Variants in NEMP1 observed in about 807,000 individuals in gnomAD.
NEMP1 encodes transmembrane protein 194.
A neutral mutation model predicts 53.7 loss-of-function variants in NEMP1; 29 were observed. The observed-to-expected ratio is 0.54, with a 90% CI of 0.40 to 0.74. NEMP1 has a LOEUF of 0.74. NEMP1 is among the 30% of genes least tolerant of loss of function. The pLI is 0.00. For missense variants in NEMP1, 477 were observed against 528.6 expected (o/e 0.90, Z 0.96); for synonymous variants, 193 against 192.9 (o/e 1.00, Z 0.00).
Position 57,059,684 on chromosome 12 carries a change from T to C in NEMP1, c.*195A>G, listed in dbSNP as rs1021254463. The C allele has an allele frequency of 4.7e-5, 25 of 537,410 alleles. No homozygotes were observed. The highest frequency in any genetic ancestry group is 7.0e-5 in the Non-Finnish European group (21 of 302,110). The allele number at this position is 537,410 out of a possible 1,614,324, so 33.3% of individuals were successfully genotyped here. A position where few individuals can be genotyped will look rare whatever the true frequency, so the allele number is the denominator to read the frequency against. ...GAACTACCCAGCATTCACTACTTTA[T>C]CCACTCTCCTTCCTCAGGGATCCCA... is the stretch of plus-strand genomic sequence containing the variant. On this transcript the variant is annotated 3_prime_UTR_variant, in exon 9 of 9. Transcript: ENST00000300128.
chr12:57,081,804 G>A (rs1166707357), upstream of NEMP1, among the ~76,000 whole-genome samples: 1 of 151,852 alleles, frequency 6.6e-6, no homozygotes, highest in African/African-American at 2.4e-5. Flanking sequence ...CTACTCAGGA[G>A]GCTGAGGCAG....
At chr12:57,067,604 T>C (rs2032152453) in intron 4 of NEMP1, among the ~76,000 whole-genome samples, 1 of 152,126 alleles carries the variant, frequency 6.6e-6, no homozygotes, top group Non-Finnish European at 1.5e-5. Context: ...CACAAAAAAG[T>C]GAAGTACAAT....
At chr12:57,069,637 C>G (rs1403348322) in intron 3 of NEMP1, among the ~76,000 whole-genome samples, 1 of 152,014 alleles carries the variant, frequency 6.6e-6, no homozygotes, top group Non-Finnish European at 1.5e-5. Context: ...ATCACTCTGG[C>G]TTTCAAGCTT....
chr12:57,077,310 C>CGA lies in NEMP1; in HGVS notation c.127+1307_127+1308dup, dbSNP rs2032677855. On this transcript the variant is annotated intron_variant, in intron 1 of 8. Coordinates refer to ENST00000300128, the MANE Select transcript of NEMP1 (RefSeq NM_001130963.2). ...TCTGGCCACTGCACTCCAGCCTGCG[C>CGA]GAAAGAGGGAGACTCTGTTTAAAAA... Among the ~76,000 whole-genome samples, 3 of 129,190 alleles carry CGA rather than the reference C, an allele frequency of 2.3e-5. No individual in the cohort carries two copies. The Admixed American group carries it at 2.7e-4, about 12-fold the overall frequency. 84.8% of individuals were successfully genotyped at this position (129,190 alleles called of 152,430 possible).
chr12:57,076,350 C>CA (rs2032620432), intron 1 of NEMP1, among the ~76,000 whole-genome samples: 2 of 151,962 alleles, frequency 1.3e-5, no homozygotes, highest in Admixed American at 1.3e-4. Flanking sequence ...GGTGTCACAG[C>CA]AAAACCACGT....
rs1323356629 is a variant in NEMP1 at position 57,058,524 on chromosome 12, A to G, written c.*1355T>C. On this transcript the variant is annotated 3_prime_UTR_variant, in exon 9 of 9. Coordinates refer to ENST00000300128, the MANE Select transcript of NEMP1 (RefSeq NM_001130963.2). ...GAGAATTTGCTTCCTCACAGATGAC[A>G]TTGCTGGTTTATAAGGGGTACTTTG... 6.6e-6 allele frequency: 1 copy of G among 152,250 alleles called. No individual in the cohort carries two copies. Among genetic ancestry groups the G allele is most frequent in the Non-Finnish European group, 1.5e-5 (1 of 68,044 alleles). The allele number at this position is 152,250 out of a possible 1,614,324, so 9.4% of individuals were successfully genotyped here. A position where few individuals can be genotyped will look rare whatever the true frequency, so the allele number is the denominator to read the frequency against.
At chr12:57,062,723 A>AC (rs1274398259) in intron 7 of NEMP1, among the ~76,000 whole-genome samples, 1 of 150,942 alleles carries the variant, frequency 6.6e-6, no homozygotes, top group Non-Finnish European at 1.5e-5. Context: ...GCATGCCTGT[A>AC]ATCCCAGCTA....
Position 57,072,805 on chromosome 12 carries a change from T to C in NEMP1, c.235A>G (p.Ile79Val), listed in dbSNP as rs1266293563. ...TNVLIPKWHD[I>V]WTRIQIRVNS... ...GTTATTACCTGTATCCGTGTCCATATATCATGCCATTTTGGGATAAGCACA... is the reference window on the plus strand; with the variant it reads ...GTTATTACCTGTATCCGTGTCCATACATCATGCCATTTTGGGATAAGCACA... Residue 79 changes from isoleucine to valine, a missense_variant, in exon 2 of 9, where the codon ATA (isoleucine) becomes GTA (valine). Coordinates refer to ENST00000300128, the MANE Select transcript of NEMP1 (RefSeq NM_001130963.2). 1.2e-6 allele frequency: 2 copies of C among 1,611,150 alleles called. No homozygotes were observed. The highest frequency in any genetic ancestry group is 1.1e-5 in the South Asian group (1 of 90,348).
chr12:57,066,298 A>C (rs2032073905), intron 4 of NEMP1, among the ~76,000 whole-genome samples: 1 of 152,192 alleles, frequency 6.6e-6, no homozygotes, highest in African/African-American at 2.4e-5. Context: ...TATCTGGTTT[A>C]ATCTTCTCAA....
At position 57,062,530 on chromosome 12, in the gene NEMP1, C is replaced by T. The variant is rs148714179; in HGVS notation, c.980+589G>A. On this transcript the variant is annotated intron_variant, in intron 7 of 8. Transcript: ENST00000300128. ...CCTCAATGAGCATACGGTATAAAAG[C>T]GATACAATTTGTGGCGGGGCGCAGT... 4.0e-5 allele frequency among the ~76,000 whole-genome samples: 6 copies of T among 150,938 alleles called. No individual in the cohort carries two copies. In the South Asian group the frequency reaches 6.3e-4, roughly 16 times the overall value.
intron 5 of NEMP1, among the ~76,000 whole-genome samples, 199 bp from the exon 6 acceptor site, chr12:57,064,384 T>A (rs2031973618): frequency 6.6e-6 from 1 of 152,142 alleles, no homozygotes. Flanking sequence ...AAATGCTAAA[T>A]AACTTAAAAG....
intron 7 of NEMP1, among the ~76,000 whole-genome samples, chr12:57,061,190 T>C (rs910692158): frequency 2.0e-5 from 3 of 152,148 alleles, no homozygotes; most frequent in Admixed American, 1.3e-4. Context: ...TTGCACCACC[T>C]TGTGGTAACA....
chr12:57,065,275 CACA>C (rs979979790), intron 4 of NEMP1, among the ~76,000 whole-genome samples: 5 of 152,126 alleles, frequency 3.3e-5, no homozygotes, highest in African/African-American at 1.2e-4. Flanking sequence ...AGCATTTTAC[CACA>C]ACTTCTTTCA....
chr12:57,064,543 T>A (rs1464616452), intron 5 of NEMP1, 103 bp downstream of exon 5: 2 of 801,534 alleles, frequency 2.5e-6, no homozygotes, highest in African/African-American at 3.5e-5. Flanking sequence ...TATTGACTCA[T>A]CAGCCATCAA....
At chr12:57,078,894 A>C, upstream of NEMP1, 1 of 815,830 alleles carries the variant, frequency 1.2e-6, no homozygotes, top group Non-Finnish European at 1.9e-6. Context: ...CAAGGGCCCT[A>C]TGAGTCCCGC....
intron 1 of NEMP1, 71 bp downstream of exon 1, chr12:57,078,548 C>T (rs887648381): frequency 1.8e-5 from 27 of 1,534,394 alleles, no homozygotes; most frequent in Non-Finnish European, 2.4e-5. Flanking sequence ...CCCGCGCCCT[C>T]GGGACAATCC....
chr12:57,077,791 T>C (rs893566706), intron 1 of NEMP1, among the ~76,000 whole-genome samples: 1 of 152,100 alleles, frequency 6.6e-6, no homozygotes, highest in Non-Finnish European at 1.5e-5. Flanking sequence ...AAAATAAACA[T>C]GCATTATTTG....
chr12:57,072,744 A>G lies in NEMP1; in HGVS notation c.252+44T>C, dbSNP rs567618732. 1.6e-4 allele frequency: 243 copies of G among 1,556,016 alleles called. 2 individuals carry two copies. In the South Asian group the frequency reaches 2.7e-3, roughly 18 times the overall value. Reference sequence around the variant, plus strand: ...CAAAATACTCACTAATCACCAACAGAAATTTACAGAAGCTGCCACTGCCAG... The same window carrying G: ...CAAAATACTCACTAATCACCAACAGGAATTTACAGAAGCTGCCACTGCCAG... On this transcript the variant is annotated intron_variant, in intron 2 of 8. Transcript: ENST00000300128.
chr12:57,071,535 T>C (rs1008613595), intron 2 of NEMP1, among the ~76,000 whole-genome samples: 12 of 152,080 alleles, frequency 7.9e-5, no homozygotes, highest in Admixed American at 6.6e-5. Flanking sequence ...TGCGCCACCA[T>C]GCCCAGTTAA....
Sources: allele counts gnomAD v4.1 joint callset (sites outside exome capture counted in the v4.1 genomes callset), GRCh38; gene constraint gnomAD v4.1.1; transcripts MANE v1.5; gene names NCBI Gene and HGNC (gene_info 2026-07-23, HGNC 2026-07-21).